INTS8: variants seen among roughly 807,000 people sequenced by gnomAD.
INTS8 encodes the protein protein kaonashi-1.
A neutral mutation model predicts 138.9 loss-of-function variants in INTS8; 47 were observed. The observed-to-expected ratio is 0.34, with a 90% confidence interval of 0.27 to 0.43. The LOEUF is 0.43. INTS8 is among the 20% of genes least tolerant of loss of function. The pLI is 1.00. For missense variants in INTS8, 996 were observed against 1,173.0 expected, an observed-to-expected ratio of 0.85 and a Z score of 2.20; for synonymous variants, 392 against 400.9, an observed-to-expected ratio of 0.98 and a Z score of 0.27.
At chr8:94,865,370 A>G (rs561451762) in intron 16 of INTS8, 136 bp from the exon 17 acceptor site, 546 of 660,540 alleles carry the variant, frequency 8.3e-4, no homozygotes, top group Non-Finnish European at 1.2e-3. Context: ...GGTTGTACAG[A>G]ATGCACAGCA....
chr8:94,860,048 A>G lies in INTS8; in HGVS notation c.2076+416A>G, dbSNP rs148945768. The G allele has an allele frequency of 1.7e-4, 27 of 155,014 alleles. No individual in the cohort carries two copies. The East Asian group carries it at 2.8e-3, about 16-fold the overall frequency. 9.6% of individuals were successfully genotyped at this position (155,014 alleles called of 1,614,324 possible). A position where few individuals can be genotyped will look rare whatever the true frequency, so the allele number is the denominator to read the frequency against. On this transcript the variant is annotated intron_variant, in intron 16 of 26. Coordinates refer to ENST00000523731, the MANE Select transcript of INTS8 (RefSeq NM_017864.4). ...TAAGTTTGCTATGTCTGAATCTCCAATAGGTTTGCTATTAGTAATTATTCC... is the reference window on the plus strand; with the variant it reads ...TAAGTTTGCTATGTCTGAATCTCCAGTAGGTTTGCTATTAGTAATTATTCC...
At position 94,859,549 on chromosome 8, in the gene INTS8, G is replaced by A. The variant is rs747263653; in HGVS notation, c.1993G>A (p.Ala665Thr). Residue 665 changes from alanine to threonine, a missense_variant, in exon 16 of 27, where the codon GCC becomes ACC. Transcript: ENST00000523731. ...LRQVIAEECV[A>T]FMLNWRENEY... is the part of the protein sequence containing the mutation. ...TCAAGTTATAGCTGAGGAATGTGTTGCCTTTATGTTAAACTGGAGAGAAAA... is the reference window on the plus strand; with the variant it reads ...TCAAGTTATAGCTGAGGAATGTGTTACCTTTATGTTAAACTGGAGAGAAAA... The A allele has an allele frequency of 9.9e-6, 16 of 1,613,216 alleles. No individual in the cohort carries two copies. The highest frequency in any genetic ancestry group is 7.7e-5 in the South Asian group (7 of 91,062).
Position 94,838,694 on chromosome 8 carries a change from T to TTCC in INTS8, c.1017+77_1017+78insCCT, listed in dbSNP as rs962713179. The TTCC allele has an allele frequency of 2.8e-5, 35 of 1,228,732 alleles. No homozygotes were observed. The African/African-American group carries it at 5.1e-4, about 18-fold the overall frequency. 76.1% of individuals were successfully genotyped at this position (1,228,732 alleles called of 1,614,324 possible). On this transcript the variant is annotated intron_variant, in intron 8 of 26. Transcript: ENST00000523731. The stretch of plus-strand genomic sequence containing the variant: ...AAGTTCAAATCCTCGCACCATCCAT[T>TTCC]TACCAGTTACGCGTTTTGGGGCAAG...
At chr8:94,827,655 A>G (rs1203393432) in intron 3 of INTS8, 67 bp from the exon 4 acceptor site, 11 of 1,316,242 alleles carry the variant, frequency 8.4e-6, no homozygotes, top group Non-Finnish European at 1.2e-5. Flanking sequence ...CCTAAGGAGT[A>G]CTTGAAAAAA....
At chr8:94,865,478 T>A in intron 16 of INTS8, 28 bp from the exon 17 acceptor site, 1 of 1,582,420 alleles carries the variant, frequency 6.3e-7, no homozygotes, top group South Asian at 1.1e-5. Context: ...CAGATTATCT[T>A]TTGTGTATTT....
At chr8:94,845,742 T>C (rs1815310405) in intron 10 of INTS8, among the ~76,000 whole-genome samples, 2 of 152,246 alleles carry the variant, frequency 1.3e-5, no homozygotes, top group African/African-American at 4.8e-5. Context: ...ATTACAGGTG[T>C]GAGCTACCAC....
At chr8:94,854,242 C>G (rs564577586) in intron 14 of INTS8, among the ~76,000 whole-genome samples, 1 of 150,084 alleles carries the variant, frequency 6.7e-6, no homozygotes, top group Non-Finnish European at 1.5e-5. Context: ...ATATGCTTTA[C>G]TAATTTTAGC....
intron 10 of INTS8, among the ~76,000 whole-genome samples, chr8:94,845,616 C>T (rs1815305041): frequency 6.6e-6 from 1 of 152,148 alleles, no homozygotes; most frequent in Admixed American, 6.5e-5. Flanking sequence ...GCACGCGCCA[C>T]CATGCCTGGC....
At chr8:94,839,685 C>T (rs1240818026) in intron 8 of INTS8, among the ~76,000 whole-genome samples, 1 of 152,188 alleles carries the variant, frequency 6.6e-6, no homozygotes, top group Non-Finnish European at 1.5e-5. Flanking sequence ...TCAGTTATAG[C>T]TCCCTAGTAA....
chr8:94,865,150 T>A (rs1816129892), intron 16 of INTS8, among the ~76,000 whole-genome samples: 1 of 152,156 alleles, frequency 6.6e-6, no homozygotes, highest in Admixed American at 6.5e-5. Flanking sequence ...TCCATTACAC[T>A]TTTTTTTCCC....
chr8:94,839,717 A>G (rs1278612107), intron 8 of INTS8, among the ~76,000 whole-genome samples: 1 of 152,200 alleles, frequency 6.6e-6, no homozygotes, highest in Non-Finnish European at 1.5e-5. Context: ...GGGTGAGATC[A>G]ATTATCATAA....
In INTS8 at chr8:94,871,970, C is replaced by A; in HGVS notation, c.2501C>A (p.Ser834Tyr). Residue 834 changes from serine (S) to tyrosine (Y), a missense_variant, in exon 21 of 27, where the codon TCT (serine) becomes TAT (tyrosine). Transcript: ENST00000523731. ...CTCAGTATAAATCCAAATAACCATT[C>A]TTGGTTAATTATCCAGGCAGATATT... ...YTLSINPNNH[S>Y]WLIIQADIYF... 1 of 1,582,094 alleles carries A rather than the reference C, an allele frequency of 6.3e-7. No individual in the cohort carries two copies. Among genetic ancestry groups the A allele is most frequent in the Non-Finnish European group, 8.7e-7 (1 of 1,152,876 alleles).
intron 14 of INTS8, among the ~76,000 whole-genome samples, chr8:94,854,985 A>G (rs1258665487): frequency 6.6e-6 from 1 of 151,654 alleles, no homozygotes; most frequent in Non-Finnish European, 1.5e-5. Flanking sequence ...GGCTCAAACA[A>G]TCCTTCCACA....
intron 26 of INTS8, 92 bp from the exon 27 acceptor site, chr8:94,880,026 G>A (rs1027274361): frequency 3.7e-6 from 3 of 809,872 alleles, no homozygotes; most frequent in African/African-American, 1.8e-5. Flanking sequence ...AAACTGTATC[G>A]TTGTTAGCAC....
chr8:94,877,156 A>G (rs940885037), intron 26 of INTS8, among the ~76,000 whole-genome samples: 2 of 152,222 alleles, frequency 1.3e-5, no homozygotes, highest in African/African-American at 4.8e-5. Context: ...GGTGCCCCAG[A>G]ATCACTGATT....
intron 10 of INTS8, among the ~76,000 whole-genome samples, chr8:94,843,523 C>T (rs1340528492): frequency 2.6e-5 from 4 of 151,726 alleles, no homozygotes; most frequent in African/African-American, 4.8e-5. Context: ...GTGGAGATTA[C>T]GCCACTGCAC....
At chr8:94,830,467 A>G (rs536292762) in intron 5 of INTS8, among the ~76,000 whole-genome samples, 2 of 152,182 alleles carry the variant, frequency 1.3e-5, no homozygotes, top group Non-Finnish European at 2.9e-5. Flanking sequence ...TGAAGTATAC[A>G]GATATTTCTT....
In INTS8 at chr8:94,823,461, G is replaced by A. The variant is rs1465408197; in HGVS notation, c.30G>A (p.Ala10=). ...GCGCGGAGGCGGCGGACCGGGAGGC[G>A]GCCACCTCCAGCCGGCCCTGCACCC... MSAEAADRE[A]ATSSRPCTPP... is the part of the protein sequence containing the mutation. Residue 10 remains alanine (A), a synonymous_variant, in exon 1 of 27, where the codon GCG becomes GCA. Transcript: ENST00000523731. 1 of 1,543,958 alleles carries A rather than the reference G, an allele frequency of 6.5e-7. No homozygotes were observed. Among genetic ancestry groups the A allele is most frequent in the South Asian group, 1.2e-5 (1 of 83,566 alleles).
chr8:94,844,752 CTT>C (rs966738887), intron 10 of INTS8, among the ~76,000 whole-genome samples: 23 of 136,456 alleles, frequency 1.7e-4, no homozygotes, highest in Non-Finnish European at 1.4e-4. Flanking sequence ...TTTAGTTTTT[CTT>C]TTTTTTTTTT....
Sources: gnomAD v4.1 joint callset for allele counts (sites outside exome capture counted in the v4.1 genomes callset) on GRCh38, gnomAD v4.1.1 for gene constraint, MANE v1.5 for transcripts, NCBI Gene and HGNC (gene_info 2026-07-23, HGNC 2026-07-21) for gene names.